Variants in RGL3 observed in about 807,000 individuals in gnomAD.
RGL3 encodes ral guanine nucleotide dissociation stimulator like 3, also known as ral guanine nucleotide dissociation stimulator-like 3.
RGL3 carries 85 observed loss-of-function variants against 90.6 expected under a neutral mutation model. The observed-to-expected ratio is 0.94, with a 90% CI of 0.79 to 1.12. The LOEUF is 1.12. Ranked by LOEUF, RGL3 falls within the 50% of genes most tolerant of loss-of-function variation. The pLI, the probability that RGL3 is intolerant of heterozygous loss-of-function variation, is 0.00. For synonymous variants in RGL3, 408 were observed against 385.5 expected (o/e 1.06, Z -0.68); for missense variants, 1,034 against 939.2 (o/e 1.10, Z -1.32).
chr19:11,412,794 G>A (rs376386315), intron 5 of RGL3, among the ~76,000 whole-genome samples: 63 of 151,806 alleles, frequency 4.2e-4, no homozygotes, highest in Middle Eastern at 3.4e-3. Context: ...GTGAAACCCC[G>A]TCTCTACTAA....
Position 11,418,718 on chromosome 19 carries a change from G to C in RGL3, c.100C>G (p.Gln34Glu). 6.3e-7 allele frequency: 1 copy of C among 1,575,320 alleles called. No homozygotes were observed. ...GCCGGGCTCCTGCGCTGACTGCGCTGCCGCCGCAGGGAGACACTGTACACC... is the reference window on the plus strand; with the variant it reads ...GCCGGGCTCCTGCGCTGACTGCGCTCCCGCCGCAGGGAGACACTGTACACC... ...GAVYSVSLRR[Q>E]RSQRRSPAEG... Residue 34 changes from glutamine (Q) to glutamate (E), a missense_variant, in exon 2 of 19, where the codon CAG becomes GAG. Gln to Glu is a conservative substitution (Grantham distance 29). Coordinates refer to ENST00000380456, the MANE Select transcript of RGL3 (RefSeq NM_001035223.4).
intron 9 of RGL3, among the ~76,000 whole-genome samples, chr19:11,404,552 AAAC>A (rs1490812633): frequency 6.6e-6 from 1 of 151,322 alleles, no homozygotes; most frequent in Non-Finnish European, 1.5e-5. Flanking sequence ...AGAAACAAAA[AAAC>A]AAATGATGAC....
In RGL3 at chr19:11,418,774, T is replaced by C. The variant is rs1207685775; in HGVS notation, c.44A>G (p.Gln15Arg). 1.3e-6 allele frequency: 2 copies of C among 1,549,552 alleles called. No individual in the cohort carries two copies. Among genetic ancestry groups the C allele is most frequent in the South Asian group, 2.4e-5 (2 of 84,478 alleles). ...GTCCTCGGTCTCTTCACCCCAGTCC[T>C]GCAGCGGTGCCTGGACGCACAGGCG... is the stretch of plus-strand genomic sequence containing the variant. ...AGKELALAPL[Q>R]DWGEETEDGA... The change falls in exon 2 of 19, where the codon CAG becomes CGG. Residue 15 changes from glutamine to arginine, a missense_variant. Transcript: ENST00000380456.
intron 2 of RGL3, 113 bp from the exon 3 acceptor site, chr19:11,417,172 G>C (rs1430298680): frequency 1.2e-6 from 1 of 821,888 alleles, no homozygotes; most frequent in Admixed American, 3.1e-5. Context: ...TTTTTTTTGA[G>C]ACAGAGTCTC....
chr19:11,413,105 T>C (rs796866032), intron 5 of RGL3, among the ~76,000 whole-genome samples: 1 of 151,996 alleles, frequency 6.6e-6, no homozygotes, highest in Non-Finnish European at 1.5e-5. Flanking sequence ...ACTTTCCATA[T>C]AATTCTCTGC....
intron 5 of RGL3, among the ~76,000 whole-genome samples, chr19:11,414,457 A>ACC (rs1968945532): frequency 9.3e-6 from 1 of 107,028 alleles, no homozygotes; most frequent in Non-Finnish European, 1.8e-5. Flanking sequence ...ATATATATAT[A>ACC]TACCTTCATA....
At position 11,406,758 on chromosome 19, in the gene RGL3, C is replaced by T. The variant is rs1370738130; in HGVS notation, c.744G>A (p.Val248=). The change falls in exon 6 of 19, where the codon GTG becomes GTA. Residue 248 remains valine, a synonymous_variant. Transcript: ENST00000380456. ...PQGPQLLDFS[V]DEVAEQLTLI... ...GGGTCAGCTGCTCGGCCACCTCGTC[C>T]ACGCTGAAGTCCAGGAGCTGGGGAC... 1 of 1,613,966 alleles carries T rather than the reference C, an allele frequency of 6.2e-7. No individual in the cohort carries two copies. Among genetic ancestry groups the T allele is most frequent in the Admixed American group, 1.7e-5 (1 of 59,986 alleles).
At chr19:11,414,371 TTATATA>T (rs36141298) in intron 5 of RGL3, among the ~76,000 whole-genome samples, 8 of 82,280 alleles carry the variant, frequency 9.7e-5, no homozygotes, top group African/African-American at 3.6e-4. Context: ...ATATATACCT[TTATATA>T]TATATATACC....
intron 13 of RGL3, among the ~76,000 whole-genome samples, chr19:11,401,117 TG>T (rs1968668257): frequency 6.6e-6 from 1 of 151,650 alleles, no homozygotes; most frequent in African/African-American, 2.4e-5. Context: ...GGACCAAAGA[TG>T]GGGAAGTCAA....
chr19:11,396,968 G>A (rs150358507), intron 18 of RGL3, among the ~76,000 whole-genome samples: 10 of 152,122 alleles, frequency 6.6e-5, no homozygotes, highest in South Asian at 4.2e-4. Context: ...GCGCCTGGCC[G>A]GACCCTGGAC....
chr19:11,394,607 C>T (rs1040153753), intron 18 of RGL3, 87 bp from the exon 19 acceptor site: 4 of 966,736 alleles, frequency 4.1e-6, no homozygotes, highest in South Asian at 1.3e-5. Flanking sequence ...GCCACTCACC[C>T]GCGAACCTGA....
intron 11 of RGL3, 54 bp downstream of exon 11, chr19:11,402,401 T>C (rs1968694827): frequency 8.3e-6 from 13 of 1,573,998 alleles, no homozygotes; most frequent in South Asian, 4.6e-5. Flanking sequence ...GGGAGGCCCA[T>C]TGTGCTGGGG....
At chr19:11,415,821 A>G (rs985604721) in intron 5 of RGL3, 116 bp downstream of exon 5, 44 of 926,884 alleles carry the variant, frequency 4.7e-5, no homozygotes, top group Non-Finnish European at 6.6e-5. Context: ...ATTGAGGCTT[A>G]GAGTTTAAAA....
chr19:11,394,149 C>G lies in RGL3; in HGVS notation c.*253G>C. 1 of 425,716 alleles carries G rather than the reference C, an allele frequency of 2.3e-6. No individual in the cohort carries two copies. Among genetic ancestry groups the G allele is most frequent in the Non-Finnish European group, 4.3e-6 (1 of 231,238 alleles). 26.4% of individuals were successfully genotyped at this position (425,716 alleles called of 1,614,324 possible). A position where few individuals can be genotyped will look rare whatever the true frequency, so the allele number is the denominator to read the frequency against. Reference sequence around the variant, plus strand: ...AAGATTTCTCTGGGGAGGGATTTGACGTATCCATGCCCCACCTCTTTCTAC... The same window carrying G: ...AAGATTTCTCTGGGGAGGGATTTGAGGTATCCATGCCCCACCTCTTTCTAC... On this transcript the variant is annotated 3_prime_UTR_variant, in exon 19 of 19. Transcript: ENST00000380456.
At chr19:11,405,895 AT>A (rs57200960) in intron 7 of RGL3, among the ~76,000 whole-genome samples, 7,663 of 139,002 alleles carry the variant, frequency 0.055, 599 homozygotes, top group African/African-American at 0.17. Flanking sequence ...AATTTTTTTA[AT>A]TTTTTTTTTT....
intron 18 of RGL3, among the ~76,000 whole-genome samples, chr19:11,396,970 A>T (rs367071): frequency 0.22 from 34,073 of 151,784 alleles, 7,208 homozygotes; most frequent in African/African-American, 0.56. Context: ...GCCTGGCCGG[A>T]CCCTGGACAA....
In RGL3 at chr19:11,406,432, A is replaced by G. The variant is rs1196714930; in HGVS notation, c.983T>C (p.Ile328Thr). 1 of 1,539,008 alleles carries G rather than the reference A, an allele frequency of 6.5e-7. No homozygotes were observed. Among genetic ancestry groups the G allele is most frequent in the Non-Finnish European group, 8.7e-7 (1 of 1,147,018 alleles). ...PQRAQRLEKW[I>T]RIAQRCRELR... ...CCCGCAACACACCTGGGCGATGCGG[A>G]TCCACTTCTCCAGCCGCTGCGCCCT... The change falls in exon 7 of 19, where the codon ATC (isoleucine) becomes ACC (threonine). Residue 328 changes from isoleucine to threonine, a missense_variant. Physicochemically the swap from Ile to Thr is moderately conservative, Grantham distance 89. Coordinates refer to ENST00000380456, the MANE Select transcript of RGL3 (RefSeq NM_001035223.4).
At chr19:11,408,508 C>T (rs896919787) in intron 5 of RGL3, among the ~76,000 whole-genome samples, 2 of 151,968 alleles carry the variant, frequency 1.3e-5, no homozygotes, top group African/African-American at 4.8e-5. Flanking sequence ...ATCGCTTGAA[C>T]CCTGGAGACG....
At chr19:11,416,717 T>C in intron 3 of RGL3, 50 bp from the exon 4 acceptor site, 1 of 1,599,516 alleles carries the variant, frequency 6.3e-7, no homozygotes, top group Admixed American at 1.7e-5. Flanking sequence ...TAGAGGGGGC[T>C]TAGGAAGAGG....
Sources: allele counts gnomAD v4.1 joint callset (sites outside exome capture counted in the v4.1 genomes callset), GRCh38; gene constraint gnomAD v4.1.1; transcripts MANE v1.5; gene names NCBI Gene and HGNC (gene_info 2026-07-23, HGNC 2026-07-21).